Variants in PRKG1 observed in about 807,000 individuals in gnomAD.
PRKG1 encodes the protein protein kinase cGMP-dependent 1.
Under a neutral mutation model 88.1 loss-of-function variants are expected in PRKG1, and 35 were observed. That is an observed-to-expected ratio of 0.40 (90% CI 0.30 to 0.53). The LOEUF (loss-of-function observed/expected upper bound fraction) is 0.53. Among genes scored for constraint, PRKG1 ranks in the 20% least tolerant of loss-of-function variants. The pLI, the probability that PRKG1 is intolerant of heterozygous loss-of-function variation, is 0.59. For synonymous variants in PRKG1, 303 were observed against 292.5 expected (o/e 1.04, Z -0.37); for missense variants, 540 against 839.8 (o/e 0.64, Z 4.41).
At chr10:51,958,503 T>C (rs774108609) in intron 5 of PRKG1, among the ~76,000 whole-genome samples, 6 of 151,354 alleles carry the variant, frequency 4.0e-5, no homozygotes, top group Admixed American at 1.3e-4. Context: ...TGGCCTATGA[T>C]GATCTTCAAG....
intron 2 of PRKG1, among the ~76,000 whole-genome samples, chr10:51,237,138 A>T (rs1839016487): frequency 6.6e-6 from 1 of 152,208 alleles, no homozygotes; most frequent in African/African-American, 2.4e-5. Flanking sequence ...GAATATTTCC[A>T]TTCTTATGGG....
chr10:52,274,285 TC>T (rs1183525073), intron 12 of PRKG1, among the ~76,000 whole-genome samples: 1 of 144,596 alleles, frequency 6.9e-6, no homozygotes, highest in Non-Finnish European at 1.5e-5. Context: ...CTCCGACTCT[TC>T]CCCCCAAATC....
chr10:52,021,244 A>G (rs942138371), intron 5 of PRKG1, among the ~76,000 whole-genome samples: 5 of 152,180 alleles, frequency 3.3e-5, no homozygotes, highest in Admixed American at 2.0e-4. Context: ...TTGAGGCTTG[A>G]GAATTATAAA....
chr10:51,444,968 C>T (rs1839227780), intron 2 of PRKG1, among the ~76,000 whole-genome samples: 1 of 151,884 alleles, frequency 6.6e-6, no homozygotes, highest in Non-Finnish European at 1.5e-5. Flanking sequence ...AATGATTCTT[C>T]ACAGGGACAA....
At chr10:51,514,910 G>A (rs571671785) in intron 3 of PRKG1, among the ~76,000 whole-genome samples, 1 of 152,214 alleles carries the variant, frequency 6.6e-6, no homozygotes, top group South Asian at 2.1e-4. Context: ...TGAACATTTT[G>A]GGCCAGATAA....
intron 3 of PRKG1, among the ~76,000 whole-genome samples, chr10:51,507,347 GA>G (rs1477480966): frequency 2.0e-5 from 3 of 151,938 alleles, no homozygotes; most frequent in Admixed American, 6.6e-5. Flanking sequence ...AGAATTGGGT[GA>G]AAAAGATATG....
intron 2 of PRKG1, among the ~76,000 whole-genome samples, chr10:51,295,092 A>T (rs1840685141): frequency 6.6e-6 from 1 of 152,064 alleles, no homozygotes; most frequent in South Asian, 2.1e-4. Flanking sequence ...CTAAGAGGAA[A>T]AAAAAAAGGA....
In PRKG1 at chr10:51,947,430, C is replaced by A. The variant is rs997377200; in HGVS notation, c.762+39860C>A. ...CTTGCACTTCCCAAGTGAGGCAATGCCTCGCCCTGCTTCGGCTCGCGCATG... is the reference window on the plus strand; with the variant it reads ...CTTGCACTTCCCAAGTGAGGCAATGACTCGCCCTGCTTCGGCTCGCGCATG... On this transcript the variant is annotated intron_variant, in intron 5 of 17. Transcript: ENST00000373980. Among the ~76,000 whole-genome samples, 6 of 152,148 alleles carry A rather than the reference C, an allele frequency of 3.9e-5. 1 individual carries two copies. The highest frequency in any genetic ancestry group is 8.8e-5 in the Non-Finnish European group (6 of 68,030).
At chr10:52,119,562 C>G (rs1847766527) in intron 7 of PRKG1, among the ~76,000 whole-genome samples, 1 of 152,116 alleles carries the variant, frequency 6.6e-6, no homozygotes, top group Non-Finnish European at 1.5e-5. Flanking sequence ...AGTATGCCTT[C>G]TCTTACTCTA....
chr10:52,142,527 A>G (rs931012241), intron 8 of PRKG1, among the ~76,000 whole-genome samples: 5 of 152,102 alleles, frequency 3.3e-5, no homozygotes. Flanking sequence ...CTACTTCTAA[A>G]TATATATAGA....
At chr10:51,142,326 G>C (rs1224997627) in intron 1 of PRKG1, among the ~76,000 whole-genome samples, 1 of 152,124 alleles carries the variant, frequency 6.6e-6, no homozygotes, top group African/African-American at 2.4e-5. Flanking sequence ...AATGAACTAT[G>C]ACAGAATTTT....
intron 4 of PRKG1, among the ~76,000 whole-genome samples, chr10:51,859,069 A>G (rs1020639051): frequency 6.6e-6 from 1 of 152,184 alleles, no homozygotes; most frequent in African/African-American, 2.4e-5. Flanking sequence ...GATGAGGCCC[A>G]GAGGAAAGGA....
At chr10:51,731,692 T>G (rs1006470483) in intron 3 of PRKG1, among the ~76,000 whole-genome samples, 1 of 152,220 alleles carries the variant, frequency 6.6e-6, no homozygotes, top group Non-Finnish European at 1.5e-5. Context: ...AAATTGAATA[T>G]ATAATTTTGT....
intron 1 of PRKG1, among the ~76,000 whole-genome samples, chr10:51,025,104 A>G (rs992695694): frequency 2.0e-5 from 3 of 152,192 alleles, no homozygotes; most frequent in African/African-American, 2.4e-5. Flanking sequence ...AACTTGCTCC[A>G]TAGACTTGTT....
chr10:51,343,772 AT>A (rs1259921009), intron 2 of PRKG1, among the ~76,000 whole-genome samples: 4 of 152,138 alleles, frequency 2.6e-5, no homozygotes, highest in African/African-American at 9.7e-5. Flanking sequence ...GTAAAGCAGG[AT>A]TGTGCCTTTC....
intron 8 of PRKG1, among the ~76,000 whole-genome samples, chr10:52,137,068 C>A (rs1282190893): frequency 6.6e-6 from 1 of 152,044 alleles, no homozygotes; most frequent in East Asian, 1.9e-4. Context: ...AGAAGAGCAC[C>A]AGGGCTTCAT....
chr10:51,202,580 G>A (rs16915357), intron 2 of PRKG1, among the ~76,000 whole-genome samples: 5,297 of 152,250 alleles, frequency 0.035, 301 homozygotes, highest in African/African-American at 0.12. Context: ...AAAGGAATGC[G>A]TAGTCTAACA....
At chr10:52,281,306 T>C (rs1246550463) in intron 13 of PRKG1, among the ~76,000 whole-genome samples, 1 of 152,144 alleles carries the variant, frequency 6.6e-6, no homozygotes, top group African/African-American at 2.4e-5. Flanking sequence ...GATTTAAGAA[T>C]AATGCTAATG....
chr10:51,993,026 G>A (rs79868731), intron 5 of PRKG1, among the ~76,000 whole-genome samples: 1 of 151,988 alleles, frequency 6.6e-6, no homozygotes. Context: ...CAAATTGAAG[G>A]CATTCTTTAT....
Sources: allele counts gnomAD v4.1 joint callset (sites outside exome capture counted in the v4.1 genomes callset), GRCh38; gene constraint gnomAD v4.1.1; transcripts MANE v1.5; gene names NCBI Gene and HGNC (gene_info 2026-07-23, HGNC 2026-07-21).